Variants in TEX15 observed in about 807,000 individuals in gnomAD.
TEX15 encodes the protein testis-expressed protein 15.
TEX15 carries 171 observed loss-of-function variants against 237.3 expected under a neutral mutation model. The observed-to-expected ratio is 0.72, with a 90% CI of 0.64 to 0.82. The LOEUF (loss-of-function observed/expected upper bound fraction) is 0.82, where lower values mean the gene tolerates loss of function less well. TEX15 is among the 40% of genes least tolerant of loss of function. TEX15 has a pLI of 0.00. For synonymous variants in TEX15, 1,338 were observed against 1,269.8 expected (o/e 1.05, Z -1.14); for missense variants, 3,750 against 3,646.5 (o/e 1.03, Z -0.73).
chr8:30,842,387 G>A lies in TEX15; in HGVS notation c.7780C>T (p.Leu2594=). ...GGGGCAGACATTACATTCTTCAGCAGTGTAGAAAATTGATTGTAGTTGTAT... is the reference window on the plus strand; with the variant it reads ...GGGGCAGACATTACATTCTTCAGCAATGTAGAAAATTGATTGTAGTTGTAT... ...LEYNYNQFST[L]LKNVMSAPRK... is the part of the protein sequence containing the mutation. The change falls in exon 8 of 11, where the codon CTG becomes TTG. Residue 2594 remains leucine (L), a synonymous_variant. Transcript: ENST00000643185. 1 of 1,613,710 alleles carries A rather than the reference G, an allele frequency of 6.2e-7. No homozygotes were observed. The highest frequency in any genetic ancestry group is 8.5e-7 in the Non-Finnish European group (1 of 1,179,824).
chr8:30,896,660 A>G (rs1808911808), intron 2 of TEX15, among the ~76,000 whole-genome samples: 1 of 152,214 alleles, frequency 6.6e-6, no homozygotes, highest in African/African-American at 2.4e-5. Context: ...TCTTAGAATC[A>G]GTGCCCATAT....
rs201204668 is a variant in TEX15, at chr8:30,845,893, T to C, written c.4274A>G (p.Glu1425Gly). The change falls in exon 8 of 11, where the codon GAA becomes GGA. Residue 1425 changes from glutamate (E) to glycine (G), a missense_variant. By Grantham distance (98) the Glu-to-Gly change is moderately conservative. Transcript: ENST00000643185. ...ACTATAACCTTGAAGGTCACAACTT[T>C]CCCAGAAATTATTGCATATTATTGC... is the stretch of plus-strand genomic sequence containing the variant. ...SYAIICNNFW[E>G]SCDLQGYSSV... The C allele has an allele frequency of 6.8e-6, 11 of 1,613,348 alleles. No individual in the cohort carries two copies. The highest frequency in any genetic ancestry group is 9.3e-6 in the Non-Finnish European group (11 of 1,179,624).
chr8:30,912,077 G>A (rs1289673217), intron 1 of TEX15, among the ~76,000 whole-genome samples: 1 of 152,224 alleles, frequency 6.6e-6, no homozygotes, highest in African/African-American at 2.4e-5. Flanking sequence ...TCCTCCTGCA[G>A]TCGGGGGACG....
chr8:30,898,971 T>A (rs1432673925), intron 1 of TEX15, among the ~76,000 whole-genome samples, 154 bp from the exon 2 acceptor site: 3 of 152,162 alleles, frequency 2.0e-5, no homozygotes, highest in Admixed American at 2.0e-4. Flanking sequence ...GGGAGGGAGC[T>A]GTCTGTTTTC....
rs914325365 is a variant in TEX15, at chr8:30,832,662, CAAAAT to C, written c.*619_*623del. The C allele has an allele frequency of 3.5e-4, 54 of 152,162 alleles. No individual in the cohort carries two copies. Among genetic ancestry groups the C allele is most frequent in the African/African-American group, 1.3e-3 (53 of 41,522 alleles). The allele number at this position is 152,162 out of a possible 1,614,324, so 9.4% of individuals were successfully genotyped here. ...CTATTTAAATTGTGAAATCCAAAAA[CAAAAT>C]AATCTTCTGGAAATGGCTCTTGTAG... On this transcript the variant is annotated 3_prime_UTR_variant, in exon 11 of 11. Transcript: ENST00000643185.
At chr8:30,904,621 C>G (rs963549235) in intron 1 of TEX15, among the ~76,000 whole-genome samples, 1 of 152,094 alleles carries the variant, frequency 6.6e-6, no homozygotes, top group African/African-American at 2.4e-5. Context: ...TTTTCCTCCC[C>G]CTGTGAGTTG....
chr8:30,891,406 G>A (rs1180946969), intron 2 of TEX15, among the ~76,000 whole-genome samples: 1 of 152,070 alleles, frequency 6.6e-6, no homozygotes, highest in Non-Finnish European at 1.5e-5. Context: ...ACCTTATGTT[G>A]GTAGTTTTTA....
chr8:30,857,184 T>C (rs1807929548), intron 7 of TEX15, among the ~76,000 whole-genome samples: 1 of 152,152 alleles, frequency 6.6e-6, no homozygotes. Flanking sequence ...GCAGTATACA[T>C]CAGTGGGAAA....
intron 3 of TEX15, among the ~76,000 whole-genome samples, chr8:30,884,571 G>A (rs1156945932): frequency 6.6e-6 from 1 of 152,156 alleles, no homozygotes; most frequent in Non-Finnish European, 1.5e-5. Context: ...TGCAGATAGT[G>A]TCTTTCAAGG....
chr8:30,887,017 G>A (rs1404517774), intron 3 of TEX15, 150 bp downstream of exon 3: 4 of 603,512 alleles, frequency 6.6e-6, no homozygotes, highest in Middle Eastern at 3.9e-4. Flanking sequence ...TCTATTTTGA[G>A]TGGAAACATA....
In TEX15 at chr8:30,842,128, A is replaced by G. The variant is rs1231787036; in HGVS notation, c.8039T>C (p.Val2680Ala). The change falls in exon 8 of 11, where the codon GTA becomes GCA. Residue 2680 changes from valine to alanine, a missense_variant. Val to Ala is a moderately conservative substitution (Grantham distance 64). Coordinates refer to ENST00000643185, the MANE Select transcript of TEX15 (RefSeq NM_001350162.2). ...KFSISTMLPP[V>A]SECINKNISN... ...GATGTTTTTGTTTATGCACTCTGAT[A>G]CTGGGGGCAACATCGTAGAAATACT... The G allele has an allele frequency of 6.2e-7, 1 of 1,613,568 alleles. No homozygotes were observed. Among genetic ancestry groups the G allele is most frequent in the South Asian group, 1.1e-5 (1 of 90,984 alleles).
At chr8:30,883,272 G>A (rs754568108) in intron 3 of TEX15, among the ~76,000 whole-genome samples, 1 of 152,022 alleles carries the variant, frequency 6.6e-6, no homozygotes, top group Admixed American at 6.6e-5. Flanking sequence ...AGTGTAGGCA[G>A]CTCTTTAAAT....
rs1335951926 is a variant in TEX15 at position 30,845,934 on chromosome 8, T to C, written c.4233A>G (p.Pro1411=). The C allele has an allele frequency of 1.2e-6, 2 of 1,613,220 alleles. No individual in the cohort carries two copies. Among genetic ancestry groups the C allele is most frequent in the Non-Finnish European group, 1.7e-6 (2 of 1,179,612 alleles). Residue 1411 remains proline (P), a synonymous_variant, in exon 8 of 11, where the codon CCA becomes CCG. Coordinates refer to ENST00000643185, the MANE Select transcript of TEX15 (RefSeq NM_001350162.2). ...ITKVGEERKG[P]LPKSYAIICN... ...ATATTATTGCATATGATTTTGGTAA[T>C]GGGCCCTTTCTTTCTTCTCCTACTT...
rs771421579 is a variant in TEX15, at chr8:30,845,866, G to A, written c.4301C>T (p.Ser1434Phe). The A allele has an allele frequency of 2.5e-6, 4 of 1,612,738 alleles. No individual in the cohort carries two copies. In the South Asian group the frequency reaches 4.4e-5, roughly 18 times the overall value. ...WESCDLQGYSSVSQRKYYSTK... is the reference protein window; with the variant it reads ...WESCDLQGYSFVSQRKYYSTK... The stretch of plus-strand genomic sequence containing the variant: ...AGAATAATATTTTCTTTGAGACACA[G>A]AACTATAACCTTGAAGGTCACAACT... The change falls in exon 8 of 11, where the codon TCT becomes TTT. Residue 1434 changes from serine (S) to phenylalanine (F), a missense_variant. Physicochemically the swap from Ser to Phe is radical, Grantham distance 155. Coordinates refer to ENST00000643185, the MANE Select transcript of TEX15 (RefSeq NM_001350162.2).
intron 7 of TEX15, among the ~76,000 whole-genome samples, chr8:30,857,840 A>G (rs1179717456): frequency 1.8e-4 from 28 of 152,224 alleles, no homozygotes; most frequent in South Asian, 4.1e-4. Flanking sequence ...ATGAAATAAC[A>G]TATCACACTC....
intron 7 of TEX15, among the ~76,000 whole-genome samples, chr8:30,851,641 GA>G (rs547086041): frequency 1.1e-4 from 15 of 139,840 alleles, no homozygotes; most frequent in East Asian, 4.2e-4. Context: ...CAAGGAAAAA[GA>G]AAAAAAAAAG....
At chr8:30,867,603 T>C (rs1043834002) in intron 4 of TEX15, 101 bp from the exon 5 acceptor site, 1 of 696,938 alleles carries the variant, frequency 1.4e-6, no homozygotes, top group Non-Finnish European at 2.4e-6. Flanking sequence ...GCAAGAGAAG[T>C]AGCGATATTC....
At chr8:30,891,139 G>A (rs1057100060) in intron 2 of TEX15, among the ~76,000 whole-genome samples, 1 of 151,750 alleles carries the variant, frequency 6.6e-6, no homozygotes, top group Non-Finnish European at 1.5e-5. Flanking sequence ...AAACTCCTGA[G>A]CTCAAGCGAT....
intron 2 of TEX15, among the ~76,000 whole-genome samples, chr8:30,890,097 C>A (rs923487869): frequency 2.7e-5 from 4 of 150,838 alleles, no homozygotes; most frequent in Admixed American, 6.6e-5. Flanking sequence ...CACGGCAATA[C>A]ATATACCATG....
Sources: allele counts gnomAD v4.1 joint callset (sites outside exome capture counted in the v4.1 genomes callset), GRCh38; gene constraint gnomAD v4.1.1; transcripts MANE v1.5; gene names NCBI Gene and HGNC (gene_info 2026-07-23, HGNC 2026-07-21).